Variants in INTS4 observed in about 807,000 individuals in gnomAD.
INTS4 encodes the protein integrator complex subunit 4, also known as MSTP093.
A neutral mutation model predicts 119.5 loss-of-function variants in INTS4; 70 were observed. The observed-to-expected ratio is 0.59, with a 90% CI of 0.48 to 0.71. The LOEUF is 0.71. INTS4 is among the 30% of genes least tolerant of loss of function. The pLI, the probability that INTS4 is intolerant of heterozygous loss-of-function variation, is 0.00. For synonymous variants in INTS4, 316 were observed against 419.6 expected, an observed-to-expected ratio of 0.75 and a Z score of 3.02; for missense variants, 867 against 1,173.2, an observed-to-expected ratio of 0.74 and a Z score of 3.81.
chr11:77,930,159 G>T (rs1351545748), intron 10 of INTS4, among the ~76,000 whole-genome samples: 3 of 152,174 alleles, frequency 2.0e-5, no homozygotes, highest in Non-Finnish European at 4.4e-5. Context: ...TTTTTTTCTA[G>T]TGATTCCCAT....
intron 18 of INTS4, among the ~76,000 whole-genome samples, chr11:77,898,518 A>G (rs991509903): frequency 1.3e-5 from 2 of 152,226 alleles, no homozygotes; most frequent in Non-Finnish European, 2.9e-5. Context: ...TAAAATCTTC[A>G]TCTTCATCTT....
Position 77,928,542 on chromosome 11 carries a change from G to C in INTS4, c.1171C>G (p.Arg391Gly), listed in dbSNP as rs1265086812. 1 of 1,563,614 alleles carries C rather than the reference G, an allele frequency of 6.4e-7. No individual in the cohort carries two copies. Among genetic ancestry groups the C allele is most frequent in the Non-Finnish European group, 8.7e-7 (1 of 1,153,176 alleles). ...HGLEDEMYEV[R>G]IAAVEALCML... is the part of the protein sequence containing the mutation. Reference sequence around the variant, plus strand: ...CAGAGGGCCTCCACAGCAGCAATACGAACCTCTAGAAAAAAGAACAAATGA... The same window carrying C: ...CAGAGGGCCTCCACAGCAGCAATACCAACCTCTAGAAAAAAGAACAAATGA... Residue 391 changes from arginine (R) to glycine (G), a missense_variant, in exon 11 of 23, where the codon CGT becomes GGT. By Grantham distance (125) the Arg-to-Gly change is moderately radical (BLOSUM62 -2). Coordinates refer to ENST00000534064, the MANE Select transcript of INTS4 (RefSeq NM_033547.4).
At chr11:77,963,584 C>T (rs1199995263) in intron 4 of INTS4, 5 of 330,010 alleles carry the variant, frequency 1.5e-5, no homozygotes, top group South Asian at 1.2e-4. Context: ...TACAATTTTG[C>T]TATATATTAA....
chr11:77,947,668 CAAAATGGTCA>C (rs1438341996), intron 8 of INTS4, among the ~76,000 whole-genome samples: 1 of 152,072 alleles, frequency 6.6e-6, no homozygotes, highest in Non-Finnish European at 1.5e-5. Context: ...AGGTTAAATT[CAAAATGGTCA>C]AAAACTACAA....
intron 8 of INTS4, among the ~76,000 whole-genome samples, chr11:77,951,594 C>T (rs1954197605): frequency 6.6e-6 from 1 of 152,110 alleles, no homozygotes; most frequent in Admixed American, 6.6e-5. Flanking sequence ...ATTCAGGACC[C>T]AGGCATGGGC....
At chr11:77,974,666 A>G (rs1855875287) in intron 4 of INTS4, among the ~76,000 whole-genome samples, 2 of 151,234 alleles carry the variant, frequency 1.3e-5, no homozygotes, top group Admixed American at 1.3e-4. Flanking sequence ...GCAGTGGCAC[A>G]ATCACAGCTC....
downstream of INTS4, chr11:77,876,950 G>A (rs1951612510): frequency 1.4e-6 from 1 of 703,170 alleles, no homozygotes; most frequent in Non-Finnish European, 2.6e-6. Context: ...TTTTGTCTAG[G>A]CTCCAACCCA....
At chr11:77,925,185 A>G (rs1340653952) in intron 11 of INTS4, among the ~76,000 whole-genome samples, 1 of 152,216 alleles carries the variant, frequency 6.6e-6, no homozygotes, top group East Asian at 1.9e-4. Context: ...GGACAGGCTA[A>G]GAAGAAAGGC....
chr11:77,953,225 AAGAGTG>A (rs1954237640), intron 8 of INTS4, among the ~76,000 whole-genome samples: 1 of 152,198 alleles, frequency 6.6e-6, no homozygotes, highest in Admixed American at 6.5e-5. Context: ...CAATCTCACC[AAGAGTG>A]GCAGGGCTGG....
intron 12 of INTS4, chr11:77,924,472 T>G: frequency 3.1e-6 from 1 of 319,808 alleles, no homozygotes; most frequent in Non-Finnish European, 5.9e-6. Context: ...TTTCTATACT[T>G]GTAACAGCTA....
chr11:77,903,212 T>A (rs1343911713), intron 17 of INTS4, among the ~76,000 whole-genome samples: 1 of 152,224 alleles, frequency 6.6e-6, no homozygotes, highest in South Asian at 2.1e-4. Context: ...CTAGTTATGC[T>A]CCTTCTCATA....
chr11:77,891,246 C>T (rs532771795), intron 21 of INTS4, 73 bp downstream of exon 21: 5 of 1,432,970 alleles, frequency 3.5e-6, no homozygotes, highest in Non-Finnish European at 4.8e-6. Context: ...GTAGAGACTA[C>T]AGGGGTGCTA....
intron 12 of INTS4, 37 bp downstream of exon 12, chr11:77,924,713 T>A: frequency 6.3e-7 from 1 of 1,575,130 alleles, no homozygotes; most frequent in East Asian, 2.2e-5. Flanking sequence ...TACCACATTA[T>A]GGGACTCAGT....
chr11:77,908,623 G>A (rs879841390), intron 15 of INTS4, among the ~76,000 whole-genome samples: 8 of 152,004 alleles, frequency 5.3e-5, no homozygotes, highest in African/African-American at 1.9e-4. Flanking sequence ...CACCGCCCCC[G>A]GCCCAAGTAA....
chr11:77,955,362 C>G (rs942108478), intron 8 of INTS4, among the ~76,000 whole-genome samples: 3 of 152,110 alleles, frequency 2.0e-5, no homozygotes, highest in Admixed American at 6.6e-5. Context: ...AAAATAAATT[C>G]TGGGGTTTTA....
intron 10 of INTS4, among the ~76,000 whole-genome samples, chr11:77,931,572 C>T (rs930134791): frequency 6.6e-6 from 1 of 152,118 alleles, no homozygotes; most frequent in African/African-American, 2.4e-5. Flanking sequence ...ATCAAAACAT[C>T]TCATGTACCC....
At position 77,960,948 on chromosome 11, in the gene INTS4, T is replaced by G; in HGVS notation, c.657+5A>C. On this transcript the variant is annotated splice_donor_5th_base_variant and intron_variant, in intron 5 of 22. Coordinates refer to ENST00000534064, the MANE Select transcript of INTS4 (RefSeq NM_033547.4). ...GCCCCAACTAGTTTCCATAATCACA[T>G]TTACCATGGCTTTTATAGCTGCTGT... The G allele has an allele frequency of 6.3e-7, 1 of 1,592,040 alleles. No individual in the cohort carries two copies. Among genetic ancestry groups the G allele is most frequent in the Non-Finnish European group, 8.5e-7 (1 of 1,170,354 alleles).
chr11:77,878,573 G>GAA (rs1951672420), downstream of INTS4: 5 of 520,678 alleles, frequency 9.6e-6, no homozygotes, highest in Non-Finnish European at 1.7e-5. Context: ...GTCACTTTAA[G>GAA]AAATAAGACT....
At position 77,878,898 on chromosome 11, in the gene INTS4, T is replaced by C; in HGVS notation, c.*51A>G. The C allele has an allele frequency of 7.0e-7, 1 of 1,432,508 alleles. No homozygotes were observed. The highest frequency in any genetic ancestry group is 9.8e-7 in the Non-Finnish European group (1 of 1,015,720). The allele number at this position is 1,432,508 out of a possible 1,614,324, so 88.7% of individuals were successfully genotyped here. The stretch of plus-strand genomic sequence containing the variant: ...GAAGTGCTTCAGGCTTGGCTCATTC[T>C]GACACCTAAGAAGGGCCCTCTAGGC... On this transcript the variant is annotated 3_prime_UTR_variant, in exon 23 of 23. Transcript: ENST00000534064.
Sources: gnomAD v4.1 joint callset for allele counts (sites outside exome capture counted in the v4.1 genomes callset) on GRCh38, gnomAD v4.1.1 for gene constraint, MANE v1.5 for transcripts, NCBI Gene and HGNC (gene_info 2026-07-23, HGNC 2026-07-21) for gene names.